The following MVB12B variants were observed in gnomAD, a reference collection of about 807,000 sequenced individuals.
MVB12B encodes multivesicular body subunit 12B, also known as ESCRT-I complex subunit MVB12B.
Under a neutral mutation model 41.6 loss-of-function variants are expected in MVB12B, and 16 were observed. The observed-to-expected ratio is 0.38, with a 90% CI of 0.26 to 0.58. MVB12B has a LOEUF of 0.58. MVB12B is among the 20% of genes least tolerant of loss of function. The pLI, the probability that MVB12B is intolerant of heterozygous loss-of-function variation, is 0.62. For synonymous variants in MVB12B, 133 were observed against 139.7 expected (o/e 0.95, Z 0.34); for missense variants, 274 against 380.2 (o/e 0.72, Z 2.32).
intron 6 of MVB12B, among the ~76,000 whole-genome samples, chr9:126,406,892 A>G (rs1831450419): frequency 6.6e-6 from 1 of 152,190 alleles, no homozygotes; most frequent in South Asian, 2.1e-4. Context: ...TAAGGATTGT[A>G]ACTTAAGAAA....
intron 9 of MVB12B, among the ~76,000 whole-genome samples, chr9:126,494,766 T>C (rs1013689236): frequency 8.5e-5 from 13 of 152,256 alleles, no homozygotes; most frequent in African/African-American, 3.1e-4. Flanking sequence ...GTTTTAAATC[T>C]CTTCTACAAA....
chr9:126,351,088 C>T (rs1272630071), intron 2 of MVB12B, among the ~76,000 whole-genome samples: 3 of 152,274 alleles, frequency 2.0e-5, no homozygotes, highest in East Asian at 3.9e-4. Context: ...TTTCAGCAAA[C>T]AAGCTCTATA....
intron 7 of MVB12B, among the ~76,000 whole-genome samples, chr9:126,466,176 C>T (rs1245864086): frequency 6.6e-6 from 1 of 152,190 alleles, no homozygotes; most frequent in African/African-American, 2.4e-5. Context: ...TGGCTGCAGC[C>T]GGATGGCCTG....
At position 126,395,681 on chromosome 9, in the gene MVB12B, G is replaced by C. The variant is rs749819404; in HGVS notation, c.646G>C (p.Ala216Pro). ...CCAGTCATCAGCTGCCTCCACCCCA[G>C]CCCCCAACCTTCCCAGGTGAGGCCT... is the stretch of plus-strand genomic sequence containing the variant. Reference protein sequence around the residue: ...PSQSSAASTPAPNLPRHISLT... With the variant: ...PSQSSAASTPPPNLPRHISLT... The change falls in exon 6 of 10, where the codon GCC becomes CCC. Residue 216 changes from alanine to proline, a missense_variant. Transcript: ENST00000361171. This position sits in a 1 kb window ranked among gnomAD's most constrained non-coding sequence, Gnocchi z 4.9. The C allele has an allele frequency of 6.8e-6, 11 of 1,613,896 alleles. No homozygotes were observed. The highest frequency in any genetic ancestry group is 9.3e-6 in the Non-Finnish European group (11 of 1,179,952).
chr9:126,415,763 G>A (rs2119072210), intron 6 of MVB12B, among the ~76,000 whole-genome samples: 1 of 152,228 alleles, frequency 6.6e-6, no homozygotes, highest in Admixed American at 6.5e-5. Flanking sequence ...GGATGTGGTG[G>A]GAAGAAAAGG....
intron 7 of MVB12B, among the ~76,000 whole-genome samples, chr9:126,427,634 T>A (rs148051262): frequency 3.3e-5 from 5 of 152,114 alleles, no homozygotes; most frequent in African/African-American, 1.2e-4. Context: ...TGAAAAAAAA[T>A]TGACATAGTA....
At chr9:126,470,480 A>C (rs1833287855) in intron 7 of MVB12B, among the ~76,000 whole-genome samples, 1 of 152,200 alleles carries the variant, frequency 6.6e-6, no homozygotes, top group Non-Finnish European at 1.5e-5. Context: ...TGTGCAGCCC[A>C]GCACTGCACC....
intron 7 of MVB12B, among the ~76,000 whole-genome samples, chr9:126,472,741 A>G (rs931461596): frequency 6.6e-6 from 1 of 152,188 alleles, no homozygotes; most frequent in Non-Finnish European, 1.5e-5. Flanking sequence ...GGATTACAGC[A>G]TTAATAACAG....
At chr9:126,396,751 G>T in intron 6 of MVB12B, 1 of 985,480 alleles carries the variant, frequency 1.0e-6, no homozygotes, top group Non-Finnish European at 1.2e-6. Context: ...ACCAAGAGTG[G>T]TATTTAAACT....
intron 7 of MVB12B, among the ~76,000 whole-genome samples, chr9:126,429,361 A>G (rs1382197098): frequency 6.6e-6 from 1 of 152,216 alleles, no homozygotes; most frequent in South Asian, 2.1e-4. Flanking sequence ...TGCGGCTGAC[A>G]GGTGGCCAGG....
At chr9:126,495,786 C>CAA (rs1386126144) in intron 9 of MVB12B, among the ~76,000 whole-genome samples, 2 of 152,178 alleles carry the variant, frequency 1.3e-5, no homozygotes, top group East Asian at 3.9e-4. Context: ...GCATCCTATG[C>CAA]AAAGTCTTTC....
At chr9:126,330,144 C>T (rs912006206) in intron 1 of MVB12B, among the ~76,000 whole-genome samples, 1 of 152,058 alleles carries the variant, frequency 6.6e-6, no homozygotes, top group African/African-American at 2.4e-5. Context: ...ACGCTTCTGG[C>T]GAGATGCAGA....
At chr9:126,362,581 A>G (rs1161541474) in intron 2 of MVB12B, among the ~76,000 whole-genome samples, 1 of 152,214 alleles carries the variant, frequency 6.6e-6, no homozygotes, top group Non-Finnish European at 1.5e-5. Context: ...CTAAGAACAA[A>G]TCCTAAAAAG....
intron 2 of MVB12B, among the ~76,000 whole-genome samples, chr9:126,344,551 G>T (rs1431224765): frequency 6.6e-6 from 1 of 152,214 alleles, no homozygotes; most frequent in Non-Finnish European, 1.5e-5. Flanking sequence ...GTTGTCCCAT[G>T]GCTGGGTTCA....
chr9:126,422,081 C>A, intron 7 of MVB12B, 133 bp downstream of exon 7: 1 of 662,392 alleles, frequency 1.5e-6, no homozygotes. Context: ...GGACCTGTTC[C>A]CTGCAGGGAC....
intron 9 of MVB12B, among the ~76,000 whole-genome samples, chr9:126,502,519 C>T (rs571571847): frequency 5.3e-5 from 8 of 151,860 alleles, no homozygotes; most frequent in Non-Finnish European, 1.0e-4. Context: ...AGCAGCAGGG[C>T]TGAGCCGTGG....
At chr9:126,467,153 A>C (rs893878947) in intron 7 of MVB12B, among the ~76,000 whole-genome samples, 3 of 152,178 alleles carry the variant, frequency 2.0e-5, no homozygotes, top group Non-Finnish European at 4.4e-5. Flanking sequence ...ATTTGATTGA[A>C]GTAATTTAAA....
intron 7 of MVB12B, among the ~76,000 whole-genome samples, chr9:126,430,348 C>A (rs10760434): frequency 0.87 from 132,169 of 151,782 alleles, 57,709 homozygotes; most frequent in East Asian, 0.95. Flanking sequence ...CTATGCTTGC[C>A]CCGCCACTCC....
intron 6 of MVB12B, chr9:126,396,080 G>T: frequency 9.9e-7 from 1 of 1,014,860 alleles, no homozygotes; most frequent in South Asian, 4.2e-5. Flanking sequence ...TGAAACCCAG[G>T]AGGGTAGGTG....
Sources: allele counts gnomAD v4.1 joint callset (sites outside exome capture counted in the v4.1 genomes callset), GRCh38; gene constraint gnomAD v4.1.1; non-coding constraint Gnocchi (gnomAD v3.1); transcripts MANE v1.5; gene names NCBI Gene and HGNC (gene_info 2026-07-23, HGNC 2026-07-21).